Variants in NEGR1 observed in about 807,000 individuals in gnomAD.
NEGR1 encodes neuronal growth regulator 1, also known as IgLON family member 4.
Under a neutral mutation model 40.9 loss-of-function variants are expected in NEGR1, and 10 were observed. The observed-to-expected ratio is 0.24, with a 90% CI of 0.15 to 0.42. The LOEUF is 0.42. NEGR1 is among the 10% of genes least tolerant of loss of function. The probability of loss-of-function intolerance (pLI) is 1.00; values close to 1 mark genes in which losing one functional copy is unlikely to be tolerated. For synonymous variants in NEGR1, 185 were observed against 166.8 expected, an observed-to-expected ratio of 1.11 and a Z score of -0.84; for missense variants, 352 against 438.9, an observed-to-expected ratio of 0.80 and a Z score of 1.77.
rs1194064325 is a variant in NEGR1 at position 72,108,997 on chromosome 1, G to C, written c.176+173322C>G. Among the ~76,000 whole-genome samples, 2 of 151,242 alleles carry C rather than the reference G, an allele frequency of 1.3e-5. 1 individual carries two copies. On this transcript the variant is annotated intron_variant, in intron 1 of 6. Coordinates refer to ENST00000357731, the MANE Select transcript of NEGR1 (RefSeq NM_173808.3). ...GCTGCAGTGAGTCAATAACTTCCCG[G>C]GTAAGCAAGTGACATTATCACACAA...
At chr1:71,606,546 G>A (rs1368052003) in intron 5 of NEGR1, among the ~76,000 whole-genome samples, 1 of 152,118 alleles carries the variant, frequency 6.6e-6, no homozygotes, top group Non-Finnish European at 1.5e-5. Flanking sequence ...ACTAATAATG[G>A]CATCAGAAAC....
At chr1:71,791,751 G>A (rs375463723) in intron 2 of NEGR1, among the ~76,000 whole-genome samples, 9 of 152,028 alleles carry the variant, frequency 5.9e-5, no homozygotes, top group African/African-American at 2.2e-4. Flanking sequence ...GAAAGATTCA[G>A]AGAAAAAGAT....
intron 2 of NEGR1, among the ~76,000 whole-genome samples, chr1:71,805,537 G>C (rs938295063): frequency 6.6e-6 from 1 of 152,114 alleles, no homozygotes; most frequent in African/African-American, 2.4e-5. Flanking sequence ...AATTTCGCCC[G>C]ATATCACAGA....
intron 2 of NEGR1, among the ~76,000 whole-genome samples, chr1:71,812,907 A>G (rs1658055546): frequency 6.6e-6 from 1 of 152,034 alleles, no homozygotes; most frequent in South Asian, 2.1e-4. Flanking sequence ...TAGTTTAATT[A>G]GATCCCACTT....
chr1:72,087,414 G>C (rs546425133), intron 1 of NEGR1, among the ~76,000 whole-genome samples: 1 of 151,486 alleles, frequency 6.6e-6, no homozygotes, highest in African/African-American at 2.4e-5. Flanking sequence ...TTGGGCGACA[G>C]AGTGAGATGC....
chr1:71,941,739 A>G (rs1451018340), intron 1 of NEGR1, among the ~76,000 whole-genome samples: 1 of 151,256 alleles, frequency 6.6e-6, no homozygotes, highest in Admixed American at 6.6e-5. Flanking sequence ...TCAGTATACA[A>G]TAGTAATATG....
intron 1 of NEGR1, among the ~76,000 whole-genome samples, chr1:71,994,777 T>C (rs1646488814): frequency 6.6e-6 from 1 of 152,084 alleles, no homozygotes; most frequent in Admixed American, 6.5e-5. Flanking sequence ...GTTCGAGACC[T>C]AGAACCATGA....
intron 1 of NEGR1, among the ~76,000 whole-genome samples, chr1:72,253,949 C>T (rs1570180373): frequency 6.6e-6 from 1 of 152,130 alleles, no homozygotes; most frequent in Admixed American, 6.5e-5. Flanking sequence ...ATCCCACCAA[C>T]TTACAGGTAA....
chr1:71,950,289 T>C (rs560577879), intron 1 of NEGR1, among the ~76,000 whole-genome samples: 1 of 152,142 alleles, frequency 6.6e-6, no homozygotes, highest in African/African-American at 2.4e-5. Context: ...AACACACTGG[T>C]AATCACTTTT....
chr1:72,191,353 T>A (rs1375236758), intron 1 of NEGR1, among the ~76,000 whole-genome samples: 1 of 151,722 alleles, frequency 6.6e-6, no homozygotes, highest in Non-Finnish European at 1.5e-5. Context: ...CAAAAGTAAA[T>A]CTTTATCATT....
At chr1:72,274,184 C>A (rs755915692) in intron 1 of NEGR1, among the ~76,000 whole-genome samples, 9 of 151,968 alleles carry the variant, frequency 5.9e-5, no homozygotes, top group Non-Finnish European at 1.2e-4. Context: ...CGATTCCTCT[C>A]CCCTTTTCTC....
intron 6 of NEGR1, among the ~76,000 whole-genome samples, chr1:71,551,752 T>G (rs1399753489): frequency 6.6e-6 from 1 of 151,524 alleles, no homozygotes; most frequent in East Asian, 2.0e-4. Flanking sequence ...ATTTTATACC[T>G]GATATAAAGT....
At chr1:71,548,027 A>G (rs949937418) in intron 6 of NEGR1, among the ~76,000 whole-genome samples, 1 of 151,660 alleles carries the variant, frequency 6.6e-6, no homozygotes, top group Non-Finnish European at 1.5e-5. Context: ...AGCCACCCTG[A>G]GTGATCTTGG....
intron 4 of NEGR1, among the ~76,000 whole-genome samples, chr1:71,615,399 T>A (rs1193337662): frequency 6.6e-6 from 1 of 152,192 alleles, no homozygotes. Flanking sequence ...ATTTACTATG[T>A]TGCAGTCTCA....
intron 4 of NEGR1, among the ~76,000 whole-genome samples, chr1:71,692,586 A>G (rs1653323542): frequency 6.6e-6 from 1 of 151,630 alleles, no homozygotes; most frequent in African/African-American, 2.4e-5. Flanking sequence ...CTTTGGAGAA[A>G]ACTTTAGGAA....
At chr1:72,193,394 T>C (rs565248568) in intron 1 of NEGR1, among the ~76,000 whole-genome samples, 30 of 151,916 alleles carry the variant, frequency 2.0e-4, no homozygotes, top group Non-Finnish European at 3.8e-4. Context: ...TTTAATATAA[T>C]TGATATGATA....
rs184929495 is a variant in NEGR1 at position 71,420,613 on chromosome 1, T to G, written c.941-13043A>C. On this transcript the variant is annotated intron_variant, in intron 6 of 6. Coordinates refer to ENST00000357731, the MANE Select transcript of NEGR1 (RefSeq NM_173808.3). ...TCACCTTTGTCAAAGCATAACTAAA[T>G]CAGAATCTAGTTAGAGAAAGACATT... is the stretch of plus-strand genomic sequence containing the variant. 1.1e-4 allele frequency among the ~76,000 whole-genome samples: 16 copies of G among 152,146 alleles called. No individual in the cohort carries two copies. The East Asian group carries it at 2.9e-3, about 28-fold the overall frequency.
intron 2 of NEGR1, among the ~76,000 whole-genome samples, chr1:71,865,291 T>C (rs1007939221): frequency 1.3e-5 from 2 of 152,292 alleles, no homozygotes; most frequent in Middle Eastern, 3.4e-3. Flanking sequence ...CACACGTATG[T>C]ATATTGCAGC....
intron 1 of NEGR1, among the ~76,000 whole-genome samples, chr1:71,981,716 G>A (rs1344619959): frequency 6.6e-6 from 1 of 152,042 alleles, no homozygotes; most frequent in Non-Finnish European, 1.5e-5. Flanking sequence ...GAATCTCAGT[G>A]TAAGAATATA....
Sources: gnomAD v4.1 joint callset for allele counts (sites outside exome capture counted in the v4.1 genomes callset) on GRCh38, gnomAD v4.1.1 for gene constraint, MANE v1.5 for transcripts, NCBI Gene and HGNC (gene_info 2026-07-23, HGNC 2026-07-21) for gene names.